Variants in ANKRD44 observed in about 807,000 individuals in gnomAD.
ANKRD44 encodes ankyrin repeat domain 44, also known as serine/threonine-protein phosphatase 6 regulatory ankyrin repeat subunit B.
A neutral mutation model predicts 116.0 loss-of-function variants in ANKRD44; 35 were observed. The ratio of observed to expected loss-of-function variants is 0.30; its 90% CI spans 0.23 to 0.40. The LOEUF is 0.40. Among genes scored for constraint, ANKRD44 ranks in the 10% least tolerant of loss-of-function variants. The pLI is 1.00. For synonymous variants in ANKRD44, 435 were observed against 461.8 expected (o/e 0.94, Z 0.74); for missense variants, 1,014 against 1,242.6 (o/e 0.82, Z 2.77).
chr2:196,987,456 C>A lies in ANKRD44; in HGVS notation c.*2135G>T, dbSNP rs996578423. On this transcript the variant is annotated 3_prime_UTR_variant, in exon 28 of 28. Coordinates refer to ENST00000282272, the MANE Select transcript of ANKRD44 (RefSeq NM_001195144.2). Reference sequence around the variant, plus strand: ...AACTTCATATTACAAGACAATAAAACGGATGAGTTCTTCAACCAACACAAC... The same window carrying A: ...AACTTCATATTACAAGACAATAAAAAGGATGAGTTCTTCAACCAACACAAC... The A allele has an allele frequency of 1.8e-5, 18 of 985,250 alleles. No homozygotes were observed. The highest frequency in any genetic ancestry group is 2.2e-5 in the Non-Finnish European group (18 of 829,828). The allele number at this position is 985,250 out of a possible 1,614,324, so 61.0% of individuals were successfully genotyped here.
At chr2:197,099,205 G>T (rs1023648151) in intron 10 of ANKRD44, among the ~76,000 whole-genome samples, 92 of 152,188 alleles carry the variant, frequency 6.0e-4, no homozygotes, top group African/African-American at 2.2e-3. Context: ...TGCCACTTAA[G>T]TCTGTTTCAT....
chr2:197,086,857 T>G, intron 12 of ANKRD44, 109 bp from the exon 13 acceptor site: 1 of 935,980 alleles, frequency 1.1e-6, no homozygotes, highest in South Asian at 1.6e-5. Context: ...AGATAGCTCC[T>G]GGTCTAAATT....
At chr2:197,120,250 C>G (rs1172535441) in intron 8 of ANKRD44, among the ~76,000 whole-genome samples, 1 of 152,138 alleles carries the variant, frequency 6.6e-6, no homozygotes, top group Non-Finnish European at 1.5e-5. Flanking sequence ...CTTTCAGTAC[C>G]AAACAGAGGG....
intron 2 of ANKRD44, among the ~76,000 whole-genome samples, chr2:197,163,095 G>T (rs1246160123): frequency 7.2e-5 from 11 of 152,132 alleles, no homozygotes; most frequent in Admixed American, 7.2e-4. Context: ...TCACAGGCAG[G>T]GCTTGGCCTT....
Position 197,033,142 on chromosome 2 carries a change from G to C in ANKRD44, c.1651-7875C>G, listed in dbSNP as rs2076739839. On this transcript the variant is annotated intron_variant, in intron 16 of 27. Transcript: ENST00000282272. Reference sequence around the variant, plus strand: ...CCCACAGTGAATGAGGCCACTGAGAGTGAATGTCTAATGGGAGATGGGAAA... The same window carrying C: ...CCCACAGTGAATGAGGCCACTGAGACTGAATGTCTAATGGGAGATGGGAAA... 3.3e-5 allele frequency among the ~76,000 whole-genome samples: 5 copies of C among 152,162 alleles called. No individual in the cohort carries two copies. In the South Asian group the frequency reaches 1.0e-3, roughly 32 times the overall value.
chr2:197,038,211 G>A (rs1459682691), intron 16 of ANKRD44, among the ~76,000 whole-genome samples: 3 of 152,154 alleles, frequency 2.0e-5, no homozygotes, highest in Non-Finnish European at 4.4e-5. Flanking sequence ...GTACCCTCTG[G>A]TGGAGGATGA....
intron 1 of ANKRD44, among the ~76,000 whole-genome samples, chr2:197,208,984 T>C (rs1319677313): frequency 2.0e-5 from 3 of 152,100 alleles, no homozygotes; most frequent in Non-Finnish European, 4.4e-5. Context: ...ATCTGGAAAA[T>C]AGGCATTTAG....
At chr2:197,146,844 G>A (rs1029938102) in intron 3 of ANKRD44, among the ~76,000 whole-genome samples, 183 bp downstream of exon 3, 7 of 152,126 alleles carry the variant, frequency 4.6e-5, no homozygotes, top group African/African-American at 1.4e-4. Context: ...TACTGGAGAA[G>A]TCATTTTTCA....
At chr2:197,119,802 AG>A (rs1031921309) in intron 8 of ANKRD44, among the ~76,000 whole-genome samples, 4 of 152,184 alleles carry the variant, frequency 2.6e-5, no homozygotes, top group Non-Finnish European at 2.9e-5. Flanking sequence ...GTTGAATAAA[AG>A]GTCTCCTAGC....
chr2:197,186,612 C>CTTTTT lies in ANKRD44; in HGVS notation c.111+406_111+410dup, dbSNP rs149107038. Among the ~76,000 whole-genome samples the CTTTTT allele has an allele frequency of 9.1e-4, 46 of 50,806 alleles. 4 individuals carry two copies. Among genetic ancestry groups the CTTTTT allele is most frequent in the African/African-American group, 1.8e-3 (39 of 21,124 alleles). 33.3% of individuals were successfully genotyped at this position (50,806 alleles called of 152,430 possible). A position where few individuals can be genotyped will look rare whatever the true frequency, so the allele number is the denominator to read the frequency against. On this transcript the variant is annotated intron_variant, in intron 2 of 27. Coordinates refer to ENST00000282272, the MANE Select transcript of ANKRD44 (RefSeq NM_001195144.2). ...CCATCACTATGCCCGGCTAATTTTT[C>CTTTTT]TTTTTTTTTTTTTTTTTTTTTTTTT...
chr2:197,175,810 G>A (rs1048746944), intron 2 of ANKRD44, among the ~76,000 whole-genome samples: 1 of 152,170 alleles, frequency 6.6e-6, no homozygotes, highest in Non-Finnish European at 1.5e-5. Context: ...TTACATAAAT[G>A]ATACATATTT....
intron 1 of ANKRD44, among the ~76,000 whole-genome samples, chr2:197,247,317 C>G (rs1271523294): frequency 6.6e-6 from 1 of 152,156 alleles, no homozygotes; most frequent in East Asian, 1.9e-4. Flanking sequence ...GATCTGCATC[C>G]CAGATGTGTA....
intron 26 of ANKRD44, among the ~76,000 whole-genome samples, chr2:196,994,329 G>A (rs2075973118): frequency 6.6e-6 from 1 of 151,848 alleles, no homozygotes; most frequent in South Asian, 2.1e-4. Flanking sequence ...GGGACTACAG[G>A]TGCAAACCAC....
intron 3 of ANKRD44, among the ~76,000 whole-genome samples, chr2:197,146,004 T>C (rs2079491982): frequency 6.6e-6 from 1 of 152,164 alleles, no homozygotes; most frequent in African/African-American, 2.4e-5. Flanking sequence ...CCAGGATTTG[T>C]CTAGTAAACA....
chr2:197,044,916 C>A (rs982610635), intron 16 of ANKRD44, among the ~76,000 whole-genome samples: 8 of 151,846 alleles, frequency 5.3e-5, no homozygotes, highest in African/African-American at 1.9e-4. Flanking sequence ...ATTGTAACAG[C>A]TTTGAAAAAA....
intron 1 of ANKRD44, among the ~76,000 whole-genome samples, chr2:197,305,645 G>T (rs1250098666): frequency 6.6e-6 from 1 of 152,096 alleles, no homozygotes; most frequent in East Asian, 1.9e-4. Context: ...AAAAAAGTTA[G>T]TTCCATTAAT....
Position 197,089,998 on chromosome 2 carries a change from C to A in ANKRD44, c.1135G>T (p.Ala379Ser). The change falls in exon 11 of 28, where the codon GCT (alanine) becomes TCT (serine). Residue 379 changes from alanine to serine, a missense_variant. By Grantham distance (99) the Ala-to-Ser change is moderately conservative. Transcript: ENST00000282272. ...CAGTCAGAGTGAGCATTTAGGGCAG[C>A]TAAATGTAAAGGGAACATGCTATGG... ...GIHSMFPLHL[A>S]ALNAHSDCCR... 6.2e-7 allele frequency: 1 copy of A among 1,614,004 alleles called. No homozygotes were observed. The highest frequency in any genetic ancestry group is 8.5e-7 in the Non-Finnish European group (1 of 1,179,950).
chr2:197,261,643 C>T (rs1402748151), intron 1 of ANKRD44, among the ~76,000 whole-genome samples: 2 of 151,942 alleles, frequency 1.3e-5, no homozygotes, highest in East Asian at 3.9e-4. Context: ...GATGACTGTA[C>T]ACACCCTGTC....
At chr2:197,179,105 A>G (rs933733811) in intron 2 of ANKRD44, among the ~76,000 whole-genome samples, 11 of 152,136 alleles carry the variant, frequency 7.2e-5, no homozygotes, top group Admixed American at 5.2e-4. Context: ...CCTATACCAA[A>G]TGTCCATATA....
Sources: gnomAD v4.1 joint callset for allele counts (sites outside exome capture counted in the v4.1 genomes callset) on GRCh38, gnomAD v4.1.1 for gene constraint, MANE v1.5 for transcripts, NCBI Gene and HGNC (gene_info 2026-07-23, HGNC 2026-07-21) for gene names.